Variants in AKR1C8 observed in about 807,000 individuals in gnomAD.
AKR1C8 encodes the protein aldo-keto reductase family 1 member C-like protein 1.
At chr10:5,148,252 AG>A in the AKR1C8 span, among the ~76,000 whole-genome samples, 1 of 151,624 alleles carries the variant, frequency 6.6e-6, no homozygotes, top group Non-Finnish European at 1.5e-5. Flanking sequence ...AGAGAGGAGG[AG>A]GGGAGAAGCA....
the AKR1C8 span, among the ~76,000 whole-genome samples, chr10:5,184,377 A>G: frequency 6.6e-6 from 1 of 152,324 alleles, no homozygotes; most frequent in African/African-American, 2.4e-5. Flanking sequence ...TAATCCCTCA[A>G]AATGAAAGAC....
chr10:5,174,984 A>G, the AKR1C8 span, among the ~76,000 whole-genome samples: 1,278 of 152,212 alleles, frequency 8.4e-3, 16 homozygotes, highest in African/African-American at 0.029. Context: ...TGTTATTATT[A>G]TATTTTAAGT....
At chr10:5,167,892 T>C in the AKR1C8 span, among the ~76,000 whole-genome samples, 37 of 152,180 alleles carry the variant, frequency 2.4e-4, no homozygotes, top group Admixed American at 2.4e-3. Context: ...TGTGTGTTTT[T>C]ATAGGAATGT....
At chr10:5,117,560 G>A in the AKR1C8 span, among the ~76,000 whole-genome samples, 1 of 152,106 alleles carries the variant, frequency 6.6e-6, no homozygotes, top group East Asian at 1.9e-4. Flanking sequence ...ATTAGAAACT[G>A]TCTTAGTCCA....
chr10:5,179,016 T>C, the AKR1C8 span, among the ~76,000 whole-genome samples: 4 of 152,326 alleles, frequency 2.6e-5, no homozygotes. Flanking sequence ...TTTGATCCTG[T>C]CATTATGATG....
chr10:5,166,815 G>A, the AKR1C8 span, among the ~76,000 whole-genome samples: 1 of 152,086 alleles, frequency 6.6e-6, no homozygotes, highest in Non-Finnish European at 1.5e-5. Flanking sequence ...AAGAGCTTCT[G>A]CACAGCAAAA....
the AKR1C8 span, chr10:5,160,883 T>A: frequency 2.1e-6 from 1 of 471,004 alleles, no homozygotes; most frequent in Non-Finnish European, 4.4e-6. Context: ...AGTAATTCTT[T>A]CCCAGGCTGG....
At chr10:5,172,230 C>T in the AKR1C8 span, among the ~76,000 whole-genome samples, 3 of 152,046 alleles carry the variant, frequency 2.0e-5, no homozygotes, top group African/African-American at 7.2e-5. Context: ...TGCATAAATT[C>T]TCTTTTATAA....
chr10:5,123,087 A>T, the AKR1C8 span, among the ~76,000 whole-genome samples: 3,783 of 152,248 alleles, frequency 0.025, 155 homozygotes, highest in African/African-American at 0.085. Flanking sequence ...GTTCCATCCT[A>T]ATTCTCTCCA....
the AKR1C8 span, among the ~76,000 whole-genome samples, chr10:5,176,233 G>A: frequency 7.4e-6 from 1 of 135,446 alleles, no homozygotes; most frequent in South Asian, 2.3e-4. Flanking sequence ...ATTAAATAGG[G>A]ATTCCTTTCC....
chr10:5,141,308 T>G, the AKR1C8 span, among the ~76,000 whole-genome samples: 4 of 152,292 alleles, frequency 2.6e-5, no homozygotes, highest in African/African-American at 9.6e-5. Flanking sequence ...CTACCTTTCT[T>G]GCTATTTCCA....
the AKR1C8 span, among the ~76,000 whole-genome samples, chr10:5,183,275 A>G: frequency 6.6e-6 from 1 of 152,216 alleles, no homozygotes; most frequent in East Asian, 1.9e-4. Context: ...AGGAATATAT[A>G]GAATACCCAT....
the AKR1C8 span, among the ~76,000 whole-genome samples, chr10:5,171,541 T>G: frequency 6.6e-6 from 1 of 152,168 alleles, no homozygotes; most frequent in Middle Eastern, 3.4e-3. Flanking sequence ...AAATTATACT[T>G]TTATATTAGT....
chr10:5,140,360 C>A, the AKR1C8 span, among the ~76,000 whole-genome samples: 1 of 152,040 alleles, frequency 6.6e-6, no homozygotes, highest in African/African-American at 2.4e-5. Flanking sequence ...ATGTTTACTG[C>A]AGCACTATTC....
At chr10:5,129,719 G>C in the AKR1C8 span, among the ~76,000 whole-genome samples, 2 of 151,936 alleles carry the variant, frequency 1.3e-5, no homozygotes, top group Non-Finnish European at 1.5e-5. Context: ...GATTAGATCA[G>C]GAAGAAATAG....
chr10:5,171,555 C>T, the AKR1C8 span, among the ~76,000 whole-genome samples: 3 of 151,972 alleles, frequency 2.0e-5, no homozygotes, highest in South Asian at 6.2e-4. Context: ...TATTAGTGTG[C>T]TATTAATTTT....
the AKR1C8 span, among the ~76,000 whole-genome samples, chr10:5,170,945 A>C: frequency 1.3e-5 from 2 of 152,178 alleles, no homozygotes; most frequent in African/African-American, 4.8e-5. Context: ...TGTTTATGGG[A>C]GTAAACTAAA....
the AKR1C8 span, among the ~76,000 whole-genome samples, chr10:5,168,727 T>A: frequency 1.3e-5 from 2 of 151,502 alleles, no homozygotes; most frequent in Admixed American, 1.3e-4. Flanking sequence ...AGAAAACCAG[T>A]AAAAAGGGGA....
At chr10:5,160,784 G>A in the AKR1C8 span, 4 of 470,726 alleles carry the variant, frequency 8.5e-6, no homozygotes, top group Non-Finnish European at 1.8e-5. Context: ...ACTACACAGT[G>A]CTGCCTGGTG....
Sources: allele counts gnomAD v4.1 joint callset (sites outside exome capture counted in the v4.1 genomes callset), GRCh38; gene constraint gnomAD v4.1.1; transcripts MANE v1.5; gene names NCBI Gene and HGNC (gene_info 2026-07-23, HGNC 2026-07-21).